MRM2: variants seen among roughly 807,000 people sequenced by gnomAD.
MRM2 encodes the protein mitochondrial rRNA methyltransferase 2, also known as rRNA methyltransferase 2, mitochondrial.
MRM2 carries 15 observed loss-of-function variants against 10.9 expected under a neutral mutation model. The observed-to-expected ratio is 1.37, with a 90% CI of 0.92 to 2.11. The LOEUF is 2.11. Ranked by LOEUF, MRM2 falls within the 30% of genes most tolerant of loss-of-function variation. The probability of loss-of-function intolerance (pLI) is 0.00; values close to 1 mark genes in which losing one functional copy is unlikely to be tolerated. For synonymous variants in MRM2, 139 were observed against 128.7 expected (o/e 1.08, Z -0.54); for missense variants, 328 against 321.3 (o/e 1.02, Z -0.16).
chr7:2,239,011 AT>A (rs1562401687), intron 2 of MRM2: 4,800 of 56,114 alleles, frequency 0.086, 430 homozygotes, highest in African/African-American at 0.1. Flanking sequence ...ATATATATAT[AT>A]ATATATATAT....
At position 2,234,916 on chromosome 7, in the gene MRM2, T is replaced by G. The variant is rs530594240; in HGVS notation, c.*206A>C. The G allele has an allele frequency of 3.5e-6, 2 of 577,958 alleles. No individual in the cohort carries two copies. The highest frequency in any genetic ancestry group is 6.1e-6 in the Non-Finnish European group (2 of 327,292). 35.8% of individuals were successfully genotyped at this position (577,958 alleles called of 1,614,324 possible). A position where few individuals can be genotyped will look rare whatever the true frequency, so the allele number is the denominator to read the frequency against. ...TTCCCAAATCACAATATAGCGGACT[T>G]TTTCATTTTCCATGGCCCCTGAACT... is the stretch of plus-strand genomic sequence containing the variant. On this transcript the variant is annotated 3_prime_UTR_variant, in exon 3 of 3. Transcript: ENST00000242257.
At chr7:2,237,111 C>T (rs961074679) in intron 2 of MRM2, among the ~76,000 whole-genome samples, 2 of 152,166 alleles carry the variant, frequency 1.3e-5, no homozygotes, top group African/African-American at 2.4e-5. Context: ...GTTCGAGCGA[C>T]CCCTGCCACC....
Position 2,235,094 on chromosome 7 carries a change from A to C in MRM2, c.*28T>G, listed in dbSNP as rs1440451714. The C allele has an allele frequency of 1.3e-6, 2 of 1,547,842 alleles. No homozygotes were observed. The highest frequency in any genetic ancestry group is 1.8e-6 in the Non-Finnish European group (2 of 1,123,234). On this transcript the variant is annotated 3_prime_UTR_variant, in exon 3 of 3. Coordinates refer to ENST00000242257, the MANE Select transcript of MRM2 (RefSeq NM_013393.3). ...GTTTCTAGCTTAAAAGGAGCTAATG[A>C]CCATTATGAAAATGGCACAAGAAAT...
At position 2,235,752 on chromosome 7, in the gene MRM2, G is replaced by A. The variant is rs116612152; in HGVS notation, c.299-188C>T. On this transcript the variant is annotated intron_variant, in intron 2 of 2. Coordinates refer to ENST00000242257, the MANE Select transcript of MRM2 (RefSeq NM_013393.3). ...TATAAAGACACATGGTGGAGATGGC[G>A]GGCCTTAACATCTGAGAAGCTGAGG... Among the ~76,000 whole-genome samples, 1,096 of 152,240 alleles carry A rather than the reference G, an allele frequency of 7.2e-3. 10 individuals carry two copies. Among genetic ancestry groups the A allele is most frequent in the African/African-American group, 0.025 (1,035 of 41,530 alleles).
At chr7:2,236,953 G>T (rs1253409019) in intron 2 of MRM2, among the ~76,000 whole-genome samples, 2 of 152,184 alleles carry the variant, frequency 1.3e-5, no homozygotes, top group Non-Finnish European at 2.9e-5. Flanking sequence ...TTTACGTAAG[G>T]TGACACAAAG....
intron 2 of MRM2, 95 bp downstream of exon 2, chr7:2,239,319 AGGGC>A (rs1794477669): frequency 8.3e-7 from 1 of 1,199,064 alleles, no homozygotes; most frequent in African/African-American, 1.5e-5. Context: ...CCTTCAAAAA[AGGGC>A]TCCACCATCC....
Position 2,235,030 on chromosome 7 carries a change from G to T in MRM2, c.*92C>A. 2.1e-6 allele frequency: 2 copies of T among 959,250 alleles called. No homozygotes were observed. Among genetic ancestry groups the T allele is most frequent in the Non-Finnish European group, 3.2e-6 (2 of 622,382 alleles). The allele number at this position is 959,250 out of a possible 1,614,324, so 59.4% of individuals were successfully genotyped here. A position where few individuals can be genotyped will look rare whatever the true frequency, so the allele number is the denominator to read the frequency against. On this transcript the variant is annotated 3_prime_UTR_variant, in exon 3 of 3. Coordinates refer to ENST00000242257, the MANE Select transcript of MRM2 (RefSeq NM_013393.3). ...TTGTCCTGCTCCATCTCCAAAATCA[G>T]CTCAAATCTCCCAGGAACTCTTCAG...
At chr7:2,240,291 T>C (rs963505053) in intron 1 of MRM2, 5 of 456,064 alleles carry the variant, frequency 1.1e-5, no homozygotes, top group East Asian at 1.4e-4. Flanking sequence ...AAAATGTTCA[T>C]TGGGCTCTGA....
intron 1 of MRM2, 32 bp downstream of exon 1, chr7:2,242,130 G>A (rs762614140): frequency 1.3e-6 from 2 of 1,583,554 alleles, no homozygotes; most frequent in East Asian, 2.4e-5. Context: ...CACTCCCGCT[G>A]TCTGCACGCG....
chr7:2,239,821 A>T, intron 1 of MRM2, 114 bp from the exon 2 acceptor site: 1 of 928,044 alleles, frequency 1.1e-6, no homozygotes, highest in Non-Finnish European at 1.7e-6. Context: ...ACCAAGGCCC[A>T]GGAGGGGAGG....
intron 2 of MRM2, among the ~76,000 whole-genome samples, chr7:2,236,568 A>G (rs1219758210): frequency 6.6e-6 from 1 of 152,102 alleles, no homozygotes; most frequent in African/African-American, 2.4e-5. Context: ...TACTCAGGAG[A>G]CCCAGCTAAA....
Position 2,235,577 on chromosome 7 carries a change from T to C in MRM2, c.299-13A>G. On this transcript the variant is annotated splice_polypyrimidine_tract_variant and intron_variant, in intron 2 of 2. Coordinates refer to ENST00000242257, the MANE Select transcript of MRM2 (RefSeq NM_013393.3). ...GGAGAGCTGGGATCTATGGAAGAAA[T>C]GGTGAATGTGTTATTTATTTACACC... 1 of 1,560,144 alleles carries C rather than the reference T, an allele frequency of 6.4e-7. No homozygotes were observed. Among genetic ancestry groups the C allele is most frequent in the East Asian group, 2.3e-5 (1 of 44,420 alleles).
Position 2,234,212 on chromosome 7 carries a change from A to G in MRM2, c.*910T>C, listed in dbSNP as rs951830089. 1.3e-5 allele frequency: 2 copies of G among 152,248 alleles called. No homozygotes were observed. The highest frequency in any genetic ancestry group is 4.8e-5 in the African/African-American group (2 of 41,474). The allele number at this position is 152,248 out of a possible 1,614,324, so 9.4% of individuals were successfully genotyped here. On this transcript the variant is annotated 3_prime_UTR_variant, in exon 3 of 3. Transcript: ENST00000242257. The stretch of plus-strand genomic sequence containing the variant: ...CATGAAAGTACCTTAAAATAATGCA[A>G]TCTCTATTATTTTATTAAATATAAA...
chr7:2,238,453 C>T (rs549878039), intron 2 of MRM2: 2 of 152,298 alleles, frequency 1.3e-5, no homozygotes, highest in Admixed American at 1.3e-4. Context: ...AAATCTTACT[C>T]AAAACCCTAA....
intron 1 of MRM2, among the ~76,000 whole-genome samples, chr7:2,241,080 C>T (rs1478797034): frequency 6.6e-6 from 1 of 152,172 alleles, no homozygotes; most frequent in Admixed American, 6.5e-5. Context: ...CAGCTGACTG[C>T]AGCCACAGCC....
chr7:2,237,824 A>G (rs763071590), intron 2 of MRM2, among the ~76,000 whole-genome samples: 1 of 151,554 alleles, frequency 6.6e-6, no homozygotes, highest in Non-Finnish European at 1.5e-5. Context: ...ACAGGAGGCA[A>G]AGATTACAGT....
chr7:2,239,844 G>A (rs1417365220), intron 1 of MRM2, 137 bp from the exon 2 acceptor site: 1 of 754,352 alleles, frequency 1.3e-6, no homozygotes, highest in Non-Finnish European at 2.1e-6. Context: ...AACTGATAAG[G>A]CTACACAGAT....
rs139118713 is a variant in MRM2 at position 2,239,235 on chromosome 7, G to T, written c.298+183C>A. 1.6e-4 allele frequency: 131 copies of T among 804,520 alleles called. No homozygotes were observed. The African/African-American group carries it at 1.7e-3, about 10-fold the overall frequency. The allele number at this position is 804,520 out of a possible 1,614,324, so 49.8% of individuals were successfully genotyped here. ...CATGTTCACTGCACCTTTCTACCTT[G>T]TCTTTCATTTTGAAAATGGCAGCAT... On this transcript the variant is annotated intron_variant, in intron 2 of 2. Coordinates refer to ENST00000242257, the MANE Select transcript of MRM2 (RefSeq NM_013393.3).
In MRM2 at chr7:2,235,518, G is replaced by A. The variant is rs371741205; in HGVS notation, c.345C>T (p.His115=). ...AAGTTGCTCCTTCCAGGGGGAATAT[G>A]TGAAGAAGATCTACCCCAAGCACGA... ...VGFVLGVDLL[H]IFPLEGATFL... is the part of the protein sequence containing the mutation. The change falls in exon 3 of 3, where the codon CAC becomes CAT. Residue 115 remains histidine (H), a synonymous_variant. Coordinates refer to ENST00000242257, the MANE Select transcript of MRM2 (RefSeq NM_013393.3). The A allele has an allele frequency of 6.2e-7, 1 of 1,613,510 alleles. No individual in the cohort carries two copies. The highest frequency in any genetic ancestry group is 1.3e-5 in the African/African-American group (1 of 74,882).
Sources: gnomAD v4.1 joint callset for allele counts (sites outside exome capture counted in the v4.1 genomes callset) on GRCh38, gnomAD v4.1.1 for gene constraint, MANE v1.5 for transcripts, NCBI Gene and HGNC (gene_info 2026-07-23, HGNC 2026-07-21) for gene names.